DLC1: variants seen among roughly 807,000 people sequenced by gnomAD.
The protein encoded by DLC1 is DLC1 Rho GTPase activating protein.
In DLC1, 54 loss-of-function variants were observed where a neutral mutation model predicts 140.3. The observed-to-expected ratio is 0.38, with a 90% CI of 0.31 to 0.48. DLC1 has a LOEUF of 0.48. Ranked by LOEUF, DLC1 falls within the 20% of genes least tolerant of loss-of-function variation. DLC1 has a pLI of 0.96. For missense variants in DLC1, 2,536 were observed against 1,907.0 expected (o/e 1.33, Z -6.14); for synonymous variants, 986 against 728.1 (o/e 1.35, Z -5.70).
chr8:13,355,104 A>G lies in DLC1; in HGVS notation c.1314+38449T>C, dbSNP rs149235567. Among the ~76,000 whole-genome samples, 836 of 79,858 alleles carry G rather than the reference A, an allele frequency of 0.01. 3 individuals are homozygous for G. The East Asian group carries it at 0.11, about 10-fold the overall frequency. 52.4% of individuals were successfully genotyped at this position (79,858 alleles called of 152,430 possible). On this transcript the variant is annotated intron_variant, in intron 4 of 17. Transcript: ENST00000276297. ...AAAATACATCATTTTTTAGAGCACA[A>G]TATATACCATAAAGAATTAATTATT...
intron 4 of DLC1, among the ~76,000 whole-genome samples, chr8:13,380,108 A>G (rs1275003858): frequency 1.3e-5 from 2 of 152,168 alleles, no homozygotes; most frequent in Admixed American, 6.6e-5. Flanking sequence ...CTCCCATAAA[A>G]GTTTGACTGG....
intron 4 of DLC1, among the ~76,000 whole-genome samples, chr8:13,332,785 C>T (rs879870897): frequency 2.0e-5 from 3 of 152,020 alleles, no homozygotes; most frequent in Non-Finnish European, 4.4e-5. Context: ...ACTTGATTAA[C>T]CCATTAATTA....
At chr8:13,240,912 G>A (rs771927208) in intron 5 of DLC1, among the ~76,000 whole-genome samples, 1 of 152,174 alleles carries the variant, frequency 6.6e-6, no homozygotes, top group East Asian at 1.9e-4. Flanking sequence ...TATGAATAGT[G>A]TTTGGACACT....
At chr8:13,350,261 C>T (rs763163125) in intron 4 of DLC1, among the ~76,000 whole-genome samples, 34 of 151,984 alleles carry the variant, frequency 2.2e-4, no homozygotes, top group Non-Finnish European at 4.4e-4. Context: ...TCCCTTATCT[C>T]GATATCATTT....
intron 5 of DLC1, among the ~76,000 whole-genome samples, chr8:13,138,780 C>G (rs1822754319): frequency 6.6e-6 from 1 of 152,110 alleles, no homozygotes; most frequent in Non-Finnish European, 1.5e-5. Context: ...TGGTATTTAG[C>G]CTTTTCAGAA....
In DLC1 at chr8:13,098,575, C is replaced by T; in HGVS notation, c.2991G>A (p.Arg997=). 1 of 1,612,746 alleles carries T rather than the reference C, an allele frequency of 6.2e-7. No individual in the cohort carries two copies. The highest frequency in any genetic ancestry group is 8.5e-7 in the Non-Finnish European group (1 of 1,179,420). The change falls in exon 10 of 18, where the codon AGG becomes AGA. Residue 997 remains arginine, a splice_region_variant and synonymous_variant. Transcript: ENST00000276297. ...GGAAACTGTGCCATCTCAGTCGGTG[C>T]CTGCGAGAGAAGAGGAGAGGAAAAT... ...GVGASLTRSN[R]HRLRWHSFQS...
chr8:13,513,650 A>G (rs1191623978), intron 1 of DLC1, among the ~76,000 whole-genome samples: 1 of 152,322 alleles, frequency 6.6e-6, no homozygotes, highest in East Asian at 1.9e-4. Flanking sequence ...ATTCAGAAAT[A>G]TAACAGTATC....
chr8:13,571,056 G>A lies in DLC1; in HGVS notation c.-126+33481C>T, dbSNP rs181627417. On this transcript the variant is annotated intron_variant, in intron 1 of 1. Coordinates refer to the DLC1 transcript ENST00000631382. ...TTTAACCAATACAACTTTATTATTG[G>A]GTAGGGGCTGAATATTGATGTTACC... 4.6e-5 allele frequency among the ~76,000 whole-genome samples: 7 copies of A among 152,188 alleles called. No homozygotes were observed. The East Asian group carries it at 1.4e-3, about 29-fold the overall frequency.
intron 4 of DLC1, among the ~76,000 whole-genome samples, chr8:13,369,508 G>C (rs2117110251): frequency 6.6e-6 from 1 of 151,988 alleles, no homozygotes; most frequent in Non-Finnish European, 1.5e-5. Flanking sequence ...TAATTTTTTG[G>C]GCACTCCAAT....
At chr8:13,595,401 C>G (rs1805650303) in intron 1 of DLC1, among the ~76,000 whole-genome samples, 1 of 151,940 alleles carries the variant, frequency 6.6e-6, no homozygotes, top group Admixed American at 6.6e-5. Flanking sequence ...GTTATGCAAA[C>G]AGAAATTGTA....
chr8:13,398,605 C>CAAAAAAAAAAA (rs55898759), intron 3 of DLC1, among the ~76,000 whole-genome samples: 1 of 113,118 alleles, frequency 8.8e-6, no homozygotes. Context: ...CCATCTCTAC[C>CAAAAAAAAAAA]AAAAAAAAAA....
chr8:13,567,612 G>A (rs1343112925), intron 1 of DLC1: 33 of 1,551,556 alleles, frequency 2.1e-5, no homozygotes, highest in Non-Finnish European at 2.5e-5. Context: ...GGAAAAGAGC[G>A]GAGCTGGCCC....
At chr8:13,453,542 A>G (rs1487950339) in intron 2 of DLC1, among the ~76,000 whole-genome samples, 2 of 41,224 alleles carry the variant, frequency 4.9e-5, no homozygotes, top group African/African-American at 2.7e-4. Context: ...ATATATACAT[A>G]TATATATATA....
At position 13,413,256 on chromosome 8, in the gene DLC1, A is replaced by ACTTTTTTTTTTTTTTTTTTTT. The variant is rs1491415150; in HGVS notation, c.1024-11638_1024-11637insAAAAAAAAAAAAAAAAAAAAG. Among the ~76,000 whole-genome samples, 6 of 82,006 alleles carry ACTTTTTTTTTTTTTTTTTTTT rather than the reference A, an allele frequency of 7.3e-5. 1 individual carries two copies. Among genetic ancestry groups the ACTTTTTTTTTTTTTTTTTTTT allele is most frequent in the Admixed American group, 2.8e-4 (2 of 7,142 alleles). The allele number at this position is 82,006 out of a possible 152,430, so 53.8% of individuals were successfully genotyped here. ...TAAAACATTATGAGATTTTTTTGCG[A>ACTTTTTTTTTTTTTTTTTTTT]TTTTTTTTTTTTTTTTTTTTTAGCT... On this transcript the variant is annotated intron_variant, in intron 2 of 17. Transcript: ENST00000276297.
At chr8:13,190,653 G>A (rs1024877178) in intron 5 of DLC1, among the ~76,000 whole-genome samples, 4 of 152,192 alleles carry the variant, frequency 2.6e-5, no homozygotes, top group Non-Finnish European at 5.9e-5. Flanking sequence ...GTTATGTTTA[G>A]AGAAGTACCA....
chr8:13,456,773 T>C (rs902606955), intron 2 of DLC1, among the ~76,000 whole-genome samples: 11 of 152,364 alleles, frequency 7.2e-5, no homozygotes, highest in African/African-American at 2.2e-4. Context: ...AATATACTGC[T>C]TTGCAGGGCC....
chr8:13,167,350 G>A (rs575255893), intron 5 of DLC1, among the ~76,000 whole-genome samples: 4 of 152,010 alleles, frequency 2.6e-5, no homozygotes, highest in Non-Finnish European at 5.9e-5. Context: ...GGGGTTTGGG[G>A]ACTCTTTAGT....
chr8:13,147,603 A>T (rs925265573), intron 5 of DLC1, among the ~76,000 whole-genome samples: 1 of 152,200 alleles, frequency 6.6e-6, no homozygotes, highest in African/African-American at 2.4e-5. Flanking sequence ...CAAGGTTCGA[A>T]CAGTACTGTC....
chr8:13,539,879 G>A (rs1803427194), intron 1 of DLC1, among the ~76,000 whole-genome samples: 2 of 151,966 alleles, frequency 1.3e-5, no homozygotes, highest in South Asian at 2.1e-4. Context: ...TCCAGGAAGT[G>A]CTGATTCAAT....
Sources: gnomAD v4.1 joint callset for allele counts (sites outside exome capture counted in the v4.1 genomes callset) on GRCh38, gnomAD v4.1.1 for gene constraint, MANE v1.5 for transcripts, NCBI Gene and HGNC (gene_info 2026-07-23, HGNC 2026-07-21) for gene names.